The following COBL variants were observed in gnomAD, a reference collection of about 807,000 sequenced individuals.
COBL encodes protein cordon-bleu.
COBL carries 51 observed loss-of-function variants against 98.8 expected under a neutral mutation model. The observed-to-expected ratio is 0.52, with a 90% CI of 0.41 to 0.65. The LOEUF (loss-of-function observed/expected upper bound fraction) is 0.65, where lower values mean the gene tolerates loss of function less well. Ranked by LOEUF, COBL falls within the 30% of genes least tolerant of loss-of-function variation. The pLI is 0.00. For synonymous variants in COBL, 634 were observed against 651.7 expected (o/e 0.97, Z 0.41); for missense variants, 1,617 against 1,617.5 (o/e 1.00, Z 0.01).
intron 7 of COBL, among the ~76,000 whole-genome samples, chr7:51,044,063 A>C (rs1286824439): frequency 6.6e-6 from 1 of 152,242 alleles, no homozygotes; most frequent in Admixed American, 6.5e-5. Context: ...TGAGATCTTT[A>C]GAAAAACATT....
At chr7:51,062,951 A>G (rs1027247185) in intron 7 of COBL, among the ~76,000 whole-genome samples, 1 of 152,076 alleles carries the variant, frequency 6.6e-6, no homozygotes, top group African/African-American at 2.4e-5. Context: ...AGCAGCCCCC[A>G]AAACAGTGAG....
chr7:51,139,901 G>A (rs1269099119), intron 5 of COBL, among the ~76,000 whole-genome samples: 1 of 152,184 alleles, frequency 6.6e-6, no homozygotes, highest in East Asian at 1.9e-4. Flanking sequence ...TTCCTTGGTT[G>A]TCTCCTGCTA....
chr7:51,262,493 G>C (rs6966410), intron 1 of COBL, among the ~76,000 whole-genome samples: 7,644 of 152,266 alleles, frequency 0.05, 635 homozygotes, highest in African/African-American at 0.17. Flanking sequence ...ACTCAGGACT[G>C]GGTCTGAGAC....
rs146244266 is a variant in COBL, at chr7:51,286,497, CAT to C, written c.41+30094_41+30095del. 4.8e-3 allele frequency among the ~76,000 whole-genome samples: 722 copies of C among 151,154 alleles called. 3 individuals carry two copies. Among genetic ancestry groups the C allele is most frequent in the African/African-American group, 0.016 (671 of 41,262 alleles). On this transcript the variant is annotated intron_variant, in intron 1 of 12. Coordinates refer to ENST00000265136, the MANE Select transcript of COBL (RefSeq NM_015198.5). Reference sequence around the variant, plus strand: ...ATAAAATATCCAAACAGCCAAGAAACATATGAAAAAACTGTTCATCATCATTA... The same window carrying C: ...ATAAAATATCCAAACAGCCAAGAAACATGAAAAAACTGTTCATCATCATTA...
At chr7:51,038,283 G>C (rs752680215) in intron 8 of COBL, among the ~76,000 whole-genome samples, 3 of 152,210 alleles carry the variant, frequency 2.0e-5, no homozygotes, top group Non-Finnish European at 1.5e-5. Context: ...TGAAGCAGGT[G>C]CTGCAGCAGC....
In COBL at chr7:51,260,018, G is replaced by A. The variant is rs566958423; in HGVS notation, c.42-40074C>T. The A allele has an allele frequency of 4.5e-5, 35 of 777,900 alleles. 1 individual carries two copies. Among genetic ancestry groups the A allele is most frequent in the South Asian group, 1.1e-4 (8 of 70,340 alleles). 48.2% of individuals were successfully genotyped at this position (777,900 alleles called of 1,614,324 possible). A position where few individuals can be genotyped will look rare whatever the true frequency, so the allele number is the denominator to read the frequency against. Reference sequence around the variant, plus strand: ...GAATCATATAGGAATGATTCCAGTCGTTTAACTTGAGCCCTTTTCCTTTCC... The same window carrying A: ...GAATCATATAGGAATGATTCCAGTCATTTAACTTGAGCCCTTTTCCTTTCC... On this transcript the variant is annotated intron_variant, in intron 1 of 12. Coordinates refer to ENST00000265136, the MANE Select transcript of COBL (RefSeq NM_015198.5).
chr7:51,156,162 T>C (rs1195019095), intron 5 of COBL: 1 of 985,124 alleles, frequency 1.0e-6, no homozygotes. Context: ...TCACTAAATG[T>C]TGATTTTTGT....
chr7:51,275,845 C>A (rs1431253753), intron 1 of COBL, among the ~76,000 whole-genome samples: 1 of 152,198 alleles, frequency 6.6e-6, no homozygotes, highest in Non-Finnish European at 1.5e-5. Flanking sequence ...GTTTCCACAG[C>A]CTGATTAGGG....
At chr7:51,128,624 G>A (rs978898013) in intron 6 of COBL, among the ~76,000 whole-genome samples, 1 of 152,208 alleles carries the variant, frequency 6.6e-6, no homozygotes, top group African/African-American at 2.4e-5. Context: ...AAGCTCGGCC[G>A]CTCACTGTGT....
At position 51,028,036 on chromosome 7, in the gene COBL, G is replaced by T; in HGVS notation, c.3060C>A (p.Asp1020Glu). ...TGTCAGATGTGTGTGGAGGGGGTGG[G>T]TCTGTACCATCAGGTGCGCGTCTGG... ...SEPRRAPDGT[D>E]PPPPHTSDTQ... is the part of the protein sequence containing the mutation. Residue 1020 changes from aspartate to glutamate, a missense_variant, in exon 10 of 13, where the codon GAC becomes GAA. Coordinates refer to ENST00000265136, the MANE Select transcript of COBL (RefSeq NM_015198.5). The T allele has an allele frequency of 6.2e-7, 1 of 1,607,974 alleles. No homozygotes were observed. The highest frequency in any genetic ancestry group is 1.1e-5 in the South Asian group (1 of 89,434).
At chr7:51,302,764 G>T (rs979066247) in intron 1 of COBL, among the ~76,000 whole-genome samples, 11 of 152,048 alleles carry the variant, frequency 7.2e-5, no homozygotes, top group African/African-American at 2.2e-4. Context: ...CACAATTCTG[G>T]TAATAATTGT....
At chr7:51,043,753 C>T in intron 7 of COBL, 61 bp from the exon 8 acceptor site, 4 of 1,431,178 alleles carry the variant, frequency 2.8e-6, no homozygotes, top group South Asian at 1.3e-5. Flanking sequence ...TACTGCCTAA[C>T]AAGTGTGACA....
intron 7 of COBL, among the ~76,000 whole-genome samples, chr7:51,053,738 C>T (rs1258721092): frequency 2.6e-5 from 4 of 152,230 alleles, no homozygotes; most frequent in Non-Finnish European, 4.4e-5. Context: ...CAGGGCCCCT[C>T]GGCCGGGCCC....
At chr7:51,022,133 G>A (rs1351087138) in intron 12 of COBL, among the ~76,000 whole-genome samples, 1 of 152,146 alleles carries the variant, frequency 6.6e-6, no homozygotes, top group Non-Finnish European at 1.5e-5. Context: ...GAGACTGAGG[G>A]GAACGTGGTT....
At chr7:51,275,575 C>T (rs1045798712) in intron 1 of COBL, among the ~76,000 whole-genome samples, 1 of 152,130 alleles carries the variant, frequency 6.6e-6, no homozygotes, top group South Asian at 2.1e-4. Flanking sequence ...CCCTCAGCAA[C>T]AGTGCACTCC....
rs533903919 is a variant in COBL at position 51,069,793 on chromosome 7, T to C, written c.1096+15373A>G. Among the ~76,000 whole-genome samples, 23 of 152,326 alleles carry C rather than the reference T, an allele frequency of 1.5e-4. No homozygotes were observed. In the South Asian group the frequency reaches 4.8e-3, roughly 32 times the overall value. On this transcript the variant is annotated intron_variant, in intron 7 of 12. Coordinates refer to ENST00000265136, the MANE Select transcript of COBL (RefSeq NM_015198.5). ...TCCACTCTTTAAATCTTGTCCCTTA[T>C]GGGCCAAAGAAGAAAGTATGATAGA...
In COBL at chr7:51,117,689, ACAGATT is replaced by A. The variant is rs541249495; in HGVS notation, c.957+18463_957+18468del. Among the ~76,000 whole-genome samples the A allele has an allele frequency of 7.9e-5, 12 of 152,284 alleles. 1 individual carries two copies. The South Asian group carries it at 2.5e-3, about 32-fold the overall frequency. On this transcript the variant is annotated intron_variant, in intron 6 of 12. Coordinates refer to ENST00000265136, the MANE Select transcript of COBL (RefSeq NM_015198.5). ...GCTAATTCCAACATCTCAGTCATCT[ACAGATT>A]GGTTTCTATTGACTATCTTTTTCAC...
In COBL at chr7:51,179,497, C is replaced by T. The variant is rs562602175; in HGVS notation, c.783+4605G>A. ...CTGGGAATACAGGTGTGAGCCACCG[C>T]GCCCAGCCAAGAGATGGTGCTTAAC... On this transcript the variant is annotated intron_variant, in intron 5 of 12. Transcript: ENST00000265136. 8.5e-5 allele frequency among the ~76,000 whole-genome samples: 13 copies of T among 152,126 alleles called. No homozygotes were observed. In the South Asian group the frequency reaches 1.2e-3, roughly 15 times the overall value.
intron 1 of COBL, among the ~76,000 whole-genome samples, chr7:51,241,663 G>A (rs950318576): frequency 4.6e-5 from 7 of 152,200 alleles, no homozygotes; most frequent in Admixed American, 4.6e-4. Context: ...GAACACGTAT[G>A]GCAAGGAGAA....
Sources: allele counts gnomAD v4.1 joint callset (sites outside exome capture counted in the v4.1 genomes callset), GRCh38; gene constraint gnomAD v4.1.1; transcripts MANE v1.5; gene names NCBI Gene and HGNC (gene_info 2026-07-23, HGNC 2026-07-21).